GPC3: variants seen among roughly 807,000 people sequenced by gnomAD.
GPC3 encodes the protein glypican 3, also known as glypican-3.
Under a neutral mutation model 34.4 loss-of-function variants are expected in GPC3, and 3 were observed. The observed-to-expected ratio is 0.09, with a 90% CI of 0.04 to 0.23. GPC3 has a LOEUF of 0.23. GPC3 is among the 10% of genes least tolerant of loss of function. The probability of loss-of-function intolerance (pLI) is 1.00; values close to 1 mark genes in which losing one functional copy is unlikely to be tolerated. For missense variants in GPC3, 351 were observed against 445.6 expected, an observed-to-expected ratio of 0.79 and a Z score of 1.91; for synonymous variants, 177 against 174.0, an observed-to-expected ratio of 1.02 and a Z score of -0.13.
chrX:133,714,893 C>T (rs1432570561), intron 3 of GPC3, among the ~76,000 whole-genome samples: 1 of 111,841 alleles, frequency 8.9e-6, no homozygotes, highest in Non-Finnish European at 1.9e-5. Flanking sequence ...AACTAACAGC[C>T]CACATTCATG....
chrX:133,923,827 A>G (rs2076263435), intron 2 of GPC3, among the ~76,000 whole-genome samples: 1 of 112,467 alleles, frequency 8.9e-6, no homozygotes, highest in Non-Finnish European at 1.9e-5. Context: ...TGAAAAAGGA[A>G]CAGTCAAAAT....
intron 2 of GPC3, among the ~76,000 whole-genome samples, chrX:133,929,097 T>A (rs1171023244): frequency 8.9e-6 from 1 of 112,193 alleles, no homozygotes. Flanking sequence ...TAGGTCTTCA[T>A]CCATTTTAAG....
intron 6 of GPC3, among the ~76,000 whole-genome samples, chrX:133,607,005 T>C (rs2124343147): frequency 9.0e-6 from 1 of 111,561 alleles, no homozygotes; most frequent in Non-Finnish European, 1.9e-5. Context: ...CTGGAGAACA[T>C]GGTAAGCCCT....
At chrX:133,895,335 C>T (rs1384251890) in intron 2 of GPC3, among the ~76,000 whole-genome samples, 1 of 111,579 alleles carries the variant, frequency 9.0e-6, no homozygotes, top group Non-Finnish European at 1.9e-5. Flanking sequence ...ACCCTAAAGC[C>T]ACCAAAATTA....
At chrX:133,928,955 C>T (rs1030071736) in intron 2 of GPC3, among the ~76,000 whole-genome samples, 3 of 111,354 alleles carry the variant, frequency 2.7e-5, no homozygotes, top group Non-Finnish European at 5.7e-5. Flanking sequence ...TGATGTAGTC[C>T]CATTTACTTA....
intron 6 of GPC3, among the ~76,000 whole-genome samples, chrX:133,607,368 TGAAA>T (rs1456003161): frequency 9.0e-6 from 1 of 111,731 alleles, no homozygotes. Flanking sequence ...GTTTGGTAAC[TGAAA>T]GAATGAATGA....
At chrX:133,656,628 G>T (rs903803528) in intron 6 of GPC3, among the ~76,000 whole-genome samples, 7 of 111,983 alleles carry the variant, frequency 6.3e-5, no homozygotes, top group Non-Finnish European at 1.1e-4. Context: ...AACATGATTC[G>T]AAAACAGGTC....
At chrX:133,718,900 A>G (rs2124453029) in intron 3 of GPC3, among the ~76,000 whole-genome samples, 1 of 112,117 alleles carries the variant, frequency 8.9e-6, no homozygotes, top group East Asian at 2.8e-4. Context: ...TCAGGAAGAT[A>G]GAATAATTAT....
intron 2 of GPC3, among the ~76,000 whole-genome samples, chrX:133,801,115 G>T (rs926131278): frequency 9.0e-6 from 1 of 111,711 alleles, no homozygotes; most frequent in African/African-American, 3.2e-5. Flanking sequence ...GGAAACACAG[G>T]ATTGATCAAT....
chrX:133,903,591 AAAC>A (rs1173824215), intron 2 of GPC3, among the ~76,000 whole-genome samples: 10 of 109,984 alleles, frequency 9.1e-5, no homozygotes, highest in South Asian at 7.7e-4. Flanking sequence ...CTCTGTCTGA[AAAC>A]AAACAAACAA....
At chrX:133,678,052 AT>A (rs1444067510) in intron 5 of GPC3, among the ~76,000 whole-genome samples, 1 of 110,934 alleles carries the variant, frequency 9.0e-6, no homozygotes, top group Non-Finnish European at 1.9e-5. Context: ...TGGGTAAGGG[AT>A]GGATTGGATG....
chrX:133,723,102 A>G (rs1396168541), intron 3 of GPC3, among the ~76,000 whole-genome samples: 1 of 111,930 alleles, frequency 8.9e-6, no homozygotes, highest in Non-Finnish European at 1.9e-5. Context: ...ATGAGGTGAC[A>G]CTATTTTGGC....
chrX:133,937,065 C>T (rs994354975), intron 2 of GPC3, among the ~76,000 whole-genome samples: 2 of 110,191 alleles, frequency 1.8e-5, no homozygotes, highest in African/African-American at 6.6e-5. Flanking sequence ...ACTCTTTGAG[C>T]TGCAAGGGGC....
intron 5 of GPC3, among the ~76,000 whole-genome samples, chrX:133,672,550 A>G (rs1234527688): frequency 1.8e-5 from 2 of 112,388 alleles, no homozygotes; most frequent in Non-Finnish European, 3.8e-5. Flanking sequence ...ATCACCCCAA[A>G]CTCGTTTACC....
At chrX:133,668,259 A>G (rs2070789641) in intron 5 of GPC3, among the ~76,000 whole-genome samples, 1 of 111,791 alleles carries the variant, frequency 8.9e-6, no homozygotes, top group Admixed American at 9.5e-5. Flanking sequence ...TCAAAAAGAT[A>G]GTATATTAGT....
chrX:133,722,854 GA>G (rs891502572), intron 3 of GPC3, among the ~76,000 whole-genome samples: 5 of 109,398 alleles, frequency 4.6e-5, no homozygotes, highest in Non-Finnish European at 7.6e-5. Flanking sequence ...GAAAGGAGAG[GA>G]AAAAAAAATC....
chrX:133,912,401 A>G (rs765417508), intron 2 of GPC3, among the ~76,000 whole-genome samples: 2 of 112,201 alleles, frequency 1.8e-5, no homozygotes, highest in Non-Finnish European at 3.8e-5. Context: ...AAGCTATCAG[A>G]TTTAGCTCTC....
chrX:133,836,728 C>T (rs376937990), intron 2 of GPC3, among the ~76,000 whole-genome samples: 1 of 111,583 alleles, frequency 9.0e-6, no homozygotes, highest in Non-Finnish European at 1.9e-5. Context: ...CTTTCTGTTT[C>T]GGGAAGATGA....
intron 6 of GPC3, among the ~76,000 whole-genome samples, chrX:133,632,093 T>C: frequency 9.1e-6 from 1 of 110,461 alleles, no homozygotes; most frequent in Middle Eastern, 4.6e-3. Context: ...TTTACCACTT[T>C]AAAAATTTTT....
Sources: allele counts gnomAD v4.1 joint callset (sites outside exome capture counted in the v4.1 genomes callset), GRCh38; gene constraint gnomAD v4.1.1; transcripts MANE v1.5; gene names NCBI Gene and HGNC (gene_info 2026-07-23, HGNC 2026-07-21).